Variants in CCDC85C observed in about 807,000 individuals in gnomAD.
CCDC85C encodes the protein coiled-coil domain-containing protein 85C.
A neutral mutation model predicts 38.3 loss-of-function variants in CCDC85C; 18 were observed. The ratio of observed to expected loss-of-function variants is 0.47; its 90% CI spans 0.33 to 0.70. The LOEUF is 0.70. Among genes scored for constraint, CCDC85C ranks in the 30% least tolerant of loss-of-function variants. CCDC85C has a pLI of 0.03. For missense variants in CCDC85C, 566 were observed against 621.2 expected (o/e 0.91, Z 0.94); for synonymous variants, 264 against 293.8 (o/e 0.90, Z 1.04).
Position 99,535,917 on chromosome 14 carries a change from G to A in CCDC85C, c.867+98C>T. The A allele has an allele frequency of 2.2e-6, 2 of 889,964 alleles. No individual in the cohort carries two copies. Among genetic ancestry groups the A allele is most frequent in the Non-Finnish European group, 3.6e-6 (2 of 558,722 alleles). The allele number at this position is 889,964 out of a possible 1,614,324, so 55.1% of individuals were successfully genotyped here. On this transcript the variant is annotated intron_variant, in intron 2 of 5. Transcript: ENST00000380243. The surrounding 1 kb of genome is among the most constrained non-coding windows in gnomAD (Gnocchi z 5.5). Reference sequence around the variant, plus strand: ...AGGTGGCAGTGGGAGCAGTTGGGGGGACAGCCTAGGTCCCAAGGGGAAGGG... The same window carrying A: ...AGGTGGCAGTGGGAGCAGTTGGGGGAACAGCCTAGGTCCCAAGGGGAAGGG...
intron 2 of CCDC85C, among the ~76,000 whole-genome samples, chr14:99,523,106 G>T (rs771092849): frequency 6.6e-6 from 1 of 152,286 alleles, no homozygotes; most frequent in East Asian, 1.9e-4. Flanking sequence ...GAGAGAAAGT[G>T]GCTGGGCAGA....
At position 99,543,253 on chromosome 14, in the gene CCDC85C, A is replaced by G. The variant is rs527658348; in HGVS notation, c.794-7165T>C. Among the ~76,000 whole-genome samples the G allele has an allele frequency of 6.6e-5, 10 of 152,266 alleles. No individual in the cohort carries two copies. The East Asian group carries it at 7.7e-4, about 12-fold the overall frequency. On this transcript the variant is annotated intron_variant, in intron 1 of 5. Coordinates refer to ENST00000380243, the MANE Select transcript of CCDC85C (RefSeq NM_001144995.2). The stretch of plus-strand genomic sequence containing the variant: ...CCAGAAGAGCTAACTCTGCTCCTCC[A>G]ATCTCCACAGGACCCTGCCATGCAG...
Position 99,513,500 on chromosome 14 carries a change from C to A in CCDC85C, c.*1746G>T, listed in dbSNP as rs988680660. The A allele has an allele frequency of 1.3e-5, 2 of 152,354 alleles. No individual in the cohort carries two copies. The highest frequency in any genetic ancestry group is 4.8e-5 in the African/African-American group (2 of 41,470). The allele number at this position is 152,354 out of a possible 1,614,324, so 9.4% of individuals were successfully genotyped here. A position where few individuals can be genotyped will look rare whatever the true frequency, so the allele number is the denominator to read the frequency against. On this transcript the variant is annotated 3_prime_UTR_variant, in exon 6 of 6. Transcript: ENST00000380243. ...GCAGGAGCGCCACACCATCCCATCA[C>A]CAGCACCCACTTACCCCCCTGGGGC...
chr14:99,510,542 C>G lies in CCDC85C; in HGVS notation c.*4704G>C, dbSNP rs1175142398. 7 of 447,766 alleles carry G rather than the reference C, an allele frequency of 1.6e-5. No individual in the cohort carries two copies. Among genetic ancestry groups the G allele is most frequent in the Non-Finnish European group, 2.3e-5 (6 of 265,094 alleles). The allele number at this position is 447,766 out of a possible 1,614,324, so 27.7% of individuals were successfully genotyped here. ...CCTTCCCCCCACCTGCCATCCCACC[C>G]CCTACTCCTGGCTACCCCCCACCCC... is the stretch of plus-strand genomic sequence containing the variant. On this transcript the variant is annotated 3_prime_UTR_variant, in exon 6 of 6. Transcript: ENST00000380243.
chr14:99,593,089 C>T (rs1055767351), intron 1 of CCDC85C, among the ~76,000 whole-genome samples: 4 of 152,260 alleles, frequency 2.6e-5, no homozygotes, highest in African/African-American at 9.6e-5. Context: ...CAAAGGGCCA[C>T]TCCCAGAGCG....
chr14:99,528,111 G>A (rs1897422927), intron 2 of CCDC85C, among the ~76,000 whole-genome samples: 7 of 152,188 alleles, frequency 4.6e-5, no homozygotes, highest in Admixed American at 2.0e-4. Context: ...GAACGGGAGG[G>A]TGCTGGGGAG....
intron 5 of CCDC85C, 37 bp from the exon 6 acceptor site, chr14:99,515,372 C>T (rs1198143201): frequency 5.6e-5 from 82 of 1,465,446 alleles, no homozygotes; most frequent in Non-Finnish European, 7.0e-5. Flanking sequence ...GTGGGACTCA[C>T]CCGCGTCCAC....
chr14:99,531,924 T>G (rs1897502091), intron 2 of CCDC85C, among the ~76,000 whole-genome samples: 1 of 152,204 alleles, frequency 6.6e-6, no homozygotes, highest in African/African-American at 2.4e-5. Flanking sequence ...GTACCCTCAC[T>G]ACCTGCTGAA....
At chr14:99,589,678 T>C (rs1006635411) in intron 1 of CCDC85C, among the ~76,000 whole-genome samples, 6 of 152,102 alleles carry the variant, frequency 3.9e-5, no homozygotes, top group African/African-American at 1.4e-4. Flanking sequence ...GGCTGATGGG[T>C]TGCAGAGGCC....
intron 1 of CCDC85C, among the ~76,000 whole-genome samples, chr14:99,551,986 C>T (rs1897921132): frequency 6.6e-6 from 1 of 152,230 alleles, no homozygotes; most frequent in Non-Finnish European, 1.5e-5. Context: ...GCCCATGTGG[C>T]AGTGAGGACC....
rs960306411 is a variant in CCDC85C at position 99,503,895 on chromosome 14, A to C, written c.*11351T>G. The C allele has an allele frequency of 3.2e-5, 16 of 506,914 alleles. No individual in the cohort carries two copies. Among genetic ancestry groups the C allele is most frequent in the Admixed American group, 1.8e-4 (5 of 27,320 alleles). The allele number at this position is 506,914 out of a possible 1,614,324, so 31.4% of individuals were successfully genotyped here. A position where few individuals can be genotyped will look rare whatever the true frequency, so the allele number is the denominator to read the frequency against. On this transcript the variant is annotated 3_prime_UTR_variant, in exon 6 of 6. Transcript: ENST00000380243. ...AAAATGTACTCAGTAACATATATAA[A>C]AGTATAATTATGGCTGTAGGAGAAC...
At chr14:99,595,224 C>T (rs1457580431) in intron 1 of CCDC85C, among the ~76,000 whole-genome samples, 1 of 151,784 alleles carries the variant, frequency 6.6e-6, no homozygotes, top group Non-Finnish European at 1.5e-5. Flanking sequence ...TTGCTCGGCT[C>T]TTCTTTTTGT....
intron 1 of CCDC85C, among the ~76,000 whole-genome samples, chr14:99,538,392 T>A (rs1897646780): frequency 6.6e-6 from 1 of 152,192 alleles, no homozygotes; most frequent in Non-Finnish European, 1.5e-5. Context: ...CTGAAGGCTC[T>A]CCGCAGCGCA....
chr14:99,515,152 A>T lies in CCDC85C; in HGVS notation c.*94T>A, dbSNP rs1398190316. 4 of 864,674 alleles carry T rather than the reference A, an allele frequency of 4.6e-6. No individual in the cohort carries two copies. Among genetic ancestry groups the T allele is most frequent in the Non-Finnish European group, 3.6e-6 (2 of 552,432 alleles). 53.6% of individuals were successfully genotyped at this position (864,674 alleles called of 1,614,324 possible). ...ACAGTTCACCACAGAGGAAGAAGAC[A>T]GGGGCTGGGCTGGAGGTCCTGCCCG... is the stretch of plus-strand genomic sequence containing the variant. On this transcript the variant is annotated 3_prime_UTR_variant, in exon 6 of 6. Transcript: ENST00000380243.
At chr14:99,549,904 C>T (rs981310687) in intron 1 of CCDC85C, among the ~76,000 whole-genome samples, 15 of 152,188 alleles carry the variant, frequency 9.9e-5, no homozygotes, top group African/African-American at 3.4e-4. Flanking sequence ...TGGTGCTGAG[C>T]AATGCAAACA....
At chr14:99,584,036 C>A (rs1305014921) in intron 1 of CCDC85C, among the ~76,000 whole-genome samples, 1 of 151,830 alleles carries the variant, frequency 6.6e-6, no homozygotes, top group African/African-American at 2.4e-5. Flanking sequence ...ATGCAGGAGC[C>A]CTTTGTACTA....
intron 2 of CCDC85C, among the ~76,000 whole-genome samples, chr14:99,532,728 CCAG>C: frequency 6.6e-6 from 1 of 152,202 alleles, no homozygotes; most frequent in East Asian, 1.9e-4. Context: ...TCCTCCATGG[CCAG>C]CAGGAACCCC....
chr14:99,514,613 C>G lies in CCDC85C; in HGVS notation c.*633G>C, dbSNP rs1897191118. 6.5e-6 allele frequency: 1 copy of G among 152,736 alleles called. No individual in the cohort carries two copies. Among genetic ancestry groups the G allele is most frequent in the Non-Finnish European group, 1.5e-5 (1 of 68,488 alleles). 9.5% of individuals were successfully genotyped at this position (152,736 alleles called of 1,614,324 possible). ...ACCTCCAAAAGCAAGGAGCAGCGGG[C>G]ATCGGGTGGCTGAGCACAGATCCCC... On this transcript the variant is annotated 3_prime_UTR_variant, in exon 6 of 6. Transcript: ENST00000380243.
chr14:99,590,406 T>G (rs2055073099), intron 1 of CCDC85C, among the ~76,000 whole-genome samples: 1 of 151,968 alleles, frequency 6.6e-6, no homozygotes, highest in African/African-American at 2.4e-5. Flanking sequence ...CCTCAGCTGA[T>G]GGGGACAGCT....
Sources: allele counts gnomAD v4.1 joint callset (sites outside exome capture counted in the v4.1 genomes callset), GRCh38; gene constraint gnomAD v4.1.1; non-coding constraint Gnocchi (gnomAD v3.1); transcripts MANE v1.5; gene names NCBI Gene and HGNC (gene_info 2026-07-23, HGNC 2026-07-21).